The following AGBL1 variants were observed in gnomAD, a reference collection of about 807,000 sequenced individuals.
The protein encoded by AGBL1 is cytosolic carboxypeptidase 4.
AGBL1 carries 130 observed loss-of-function variants against 118.9 expected under a neutral mutation model. The ratio of observed to expected loss-of-function variants is 1.09; its 90% CI spans 0.95 to 1.26. The LOEUF is 1.26. AGBL1 is among the 50% of genes most tolerant of loss of function. The pLI is 0.00. For missense variants in AGBL1, 1,584 were observed against 1,298.1 expected, an observed-to-expected ratio of 1.22 and a Z score of -3.38; for synonymous variants, 555 against 478.9, an observed-to-expected ratio of 1.16 and a Z score of -2.08.
chr15:86,882,840 A>G (rs1370991104), intron 22 of AGBL1, among the ~76,000 whole-genome samples: 1 of 152,212 alleles, frequency 6.6e-6, no homozygotes, highest in Non-Finnish European at 1.5e-5. Flanking sequence ...CAGGAACCTA[A>G]TGGAAATCTT....
At chr15:86,211,182 A>G (rs2078091078) in intron 5 of AGBL1, among the ~76,000 whole-genome samples, 1 of 152,120 alleles carries the variant, frequency 6.6e-6, no homozygotes, top group Non-Finnish European at 1.5e-5. Flanking sequence ...TACAGCAAAT[A>G]TTGCTGCCTG....
chr15:86,798,191 A>G (rs1251912718), intron 22 of AGBL1, among the ~76,000 whole-genome samples: 2 of 152,154 alleles, frequency 1.3e-5, no homozygotes, highest in South Asian at 2.1e-4. Context: ...AAAACAACCG[A>G]TTCCACCACA....
intron 22 of AGBL1, among the ~76,000 whole-genome samples, chr15:86,805,697 T>C (rs1259532265): frequency 1.3e-5 from 2 of 152,234 alleles, no homozygotes; most frequent in Non-Finnish European, 2.9e-5. Flanking sequence ...ATTTTCATGA[T>C]GTTTCATGTG....
At chr15:86,375,100 C>T (rs1239368435) in intron 17 of AGBL1, among the ~76,000 whole-genome samples, 4 of 152,192 alleles carry the variant, frequency 2.6e-5, no homozygotes, top group Non-Finnish European at 2.9e-5. Context: ...TTTGGTCAGA[C>T]CCAAGGCAGC....
intron 23 of AGBL1, among the ~76,000 whole-genome samples, chr15:86,981,526 T>C (rs1466259062): frequency 1.3e-5 from 2 of 152,234 alleles, no homozygotes. Context: ...TCTTTGTCCA[T>C]GTATCTCCTT....
chr15:86,547,171 T>C (rs553310825), intron 20 of AGBL1, among the ~76,000 whole-genome samples: 2 of 152,268 alleles, frequency 1.3e-5, no homozygotes, highest in South Asian at 4.1e-4. Context: ...ACCAGAGTAA[T>C]GGTGATAAAC....
chr15:86,365,130 A>C (rs1262181057), intron 17 of AGBL1, among the ~76,000 whole-genome samples: 2 of 151,760 alleles, frequency 1.3e-5, no homozygotes, highest in Non-Finnish European at 2.9e-5. Context: ...TGCTGAGGAA[A>C]AGAAAAGTCT....
chr15:86,814,125 A>G (rs956603982), intron 22 of AGBL1, among the ~76,000 whole-genome samples: 6 of 152,190 alleles, frequency 3.9e-5, no homozygotes, highest in African/African-American at 1.4e-4. Context: ...GCCCCAGAGC[A>G]GGAGATGAGC....
At position 86,281,356 on chromosome 15, in the gene AGBL1, G is replaced by T. The variant is rs73451535; in HGVS notation, c.2220+1573G>T. Among the ~76,000 whole-genome samples, 1,266 of 152,152 alleles carry T rather than the reference G, an allele frequency of 8.3e-3. 18 individuals are homozygous for T. The highest frequency in any genetic ancestry group is 0.029 in the African/African-American group (1,194 of 41,504). On this transcript the variant is annotated intron_variant, in intron 16 of 22. Coordinates refer to ENST00000614907, the MANE Select transcript of AGBL1 (RefSeq NM_001386094.1). ...CAGGATCACACAACTGCATTCCATC[G>T]TGGGCAACCAAGGGAGACCCTATCT...
chr15:86,200,314 G>C (rs1316599469), intron 5 of AGBL1, among the ~76,000 whole-genome samples: 1 of 152,084 alleles, frequency 6.6e-6, no homozygotes, highest in Non-Finnish European at 1.5e-5. Context: ...TTTTTAGTGA[G>C]CTTCCTTTCC....
At chr15:86,269,302 T>C (rs2079120109) in intron 13 of AGBL1, among the ~76,000 whole-genome samples, 1 of 152,204 alleles carries the variant, frequency 6.6e-6, no homozygotes, top group African/African-American at 2.4e-5. Context: ...TTGATTTTTA[T>C]AAACAGCACC....
At chr15:86,581,540 C>A (rs1267670700) in intron 21 of AGBL1, among the ~76,000 whole-genome samples, 2 of 152,262 alleles carry the variant, frequency 1.3e-5, no homozygotes, top group South Asian at 2.1e-4. Context: ...CAAATTGGAT[C>A]ATCATTTTAT....
At chr15:86,227,671 A>G (rs2078389016) in intron 6 of AGBL1, among the ~76,000 whole-genome samples, 2 of 152,380 alleles carry the variant, frequency 1.3e-5, no homozygotes, top group East Asian at 1.9e-4. Flanking sequence ...CAAAGTTTCA[A>G]AAGACCCCTT....
At chr15:86,931,564 TTTTG>T (rs2080604451) in intron 23 of AGBL1, among the ~76,000 whole-genome samples, 4 of 138,902 alleles carry the variant, frequency 2.9e-5, no homozygotes, top group Non-Finnish European at 4.6e-5. Context: ...ATAGTGGTGC[TTTTG>T]CTGCTGCTGC....
At chr15:86,823,508 T>C (rs2078969029) in intron 22 of AGBL1, among the ~76,000 whole-genome samples, 1 of 152,174 alleles carries the variant, frequency 6.6e-6, no homozygotes, top group Non-Finnish European at 1.5e-5. Context: ...AGGCCAATAA[T>C]CAGGGTTAGG....
chr15:86,257,025 T>A lies in AGBL1; in HGVS notation c.901+7T>A. ...CCACATGATCTACCTGAAGGTAAAA[T>A]AAGTTGGTAACTATGACCTTTAAGA... On this transcript the variant is annotated splice_region_variant and intron_variant, in intron 8 of 22. Coordinates refer to ENST00000614907, the MANE Select transcript of AGBL1 (RefSeq NM_001386094.1). 6.2e-7 allele frequency: 1 copy of A among 1,612,502 alleles called. No individual in the cohort carries two copies. Among genetic ancestry groups the A allele is most frequent in the Non-Finnish European group, 8.5e-7 (1 of 1,179,174 alleles).
At chr15:86,636,735 A>C (rs1353367383) in intron 21 of AGBL1, among the ~76,000 whole-genome samples, 1 of 53,326 alleles carries the variant, frequency 1.9e-5, no homozygotes, top group African/African-American at 9.7e-5. Context: ...ATATATATAT[A>C]TATATATATA....
intron 18 of AGBL1, among the ~76,000 whole-genome samples, chr15:86,521,276 A>C (rs2142197915): frequency 6.6e-6 from 1 of 152,354 alleles, no homozygotes; most frequent in Non-Finnish European, 1.5e-5. Context: ...GTTTATTGAA[A>C]ACACTGTGTT....
Position 86,265,470 on chromosome 15 carries a change from A to G in AGBL1, c.1667+632A>G, listed in dbSNP as rs570082619. On this transcript the variant is annotated intron_variant, in intron 11 of 22. Transcript: ENST00000614907. ...TTGAGATTAAAATGAAAACTGCTAAAGGCAAAGAAAACATTATTCTCCTTG... is the reference window on the plus strand; with the variant it reads ...TTGAGATTAAAATGAAAACTGCTAAGGGCAAAGAAAACATTATTCTCCTTG... Among the ~76,000 whole-genome samples the G allele has an allele frequency of 1.5e-3, 229 of 152,322 alleles. 5 individuals are homozygous for G. In the South Asian group the frequency reaches 0.046, roughly 31 times the overall value.
Sources: gnomAD v4.1 joint callset for allele counts (sites outside exome capture counted in the v4.1 genomes callset) on GRCh38, gnomAD v4.1.1 for gene constraint, MANE v1.5 for transcripts, NCBI Gene and HGNC (gene_info 2026-07-23, HGNC 2026-07-21) for gene names.